Variants in NBN observed in about 807,000 individuals in gnomAD.
The protein encoded by NBN is nibrin.
A neutral mutation model predicts 90.8 loss-of-function variants in NBN; 88 were observed. That is an observed-to-expected ratio of 0.97 (90% confidence interval 0.82 to 1.16). The LOEUF (loss-of-function observed/expected upper bound fraction) is 1.16, where lower values mean the gene tolerates loss of function less well. NBN is among the 50% of genes most tolerant of loss of function. NBN has a pLI of 0.00. For missense variants in NBN, 894 were observed against 869.6 expected (o/e 1.03, Z -0.35); for synonymous variants, 328 against 295.1 (o/e 1.11, Z -1.14).
At position 89,953,469 on chromosome 8, in the gene NBN, A is replaced by G; in HGVS notation, c.1620T>C (p.His540=). Residue 540 remains histidine, a synonymous_variant, in exon 11 of 16, where the codon CAT becomes CAC. Coordinates refer to ENST00000265433, the MANE Select transcript of NBN (RefSeq NM_002485.5). Reference sequence around the variant, plus strand: ...TATTTGATCTTAGCTTTTCTGCAGCATGAGATTTACTGGCAGAATTTTTCA... The same window carrying G: ...TATTTGATCTTAGCTTTTCTGCAGCGTGAGATTTACTGGCAGAATTTTTCA... The part of the protein sequence containing the change: ...SIVKNSASKS[H]AAEKLRSNKK... The G allele has an allele frequency of 6.2e-7, 1 of 1,613,762 alleles. No individual in the cohort carries two copies. The highest frequency in any genetic ancestry group is 8.5e-7 in the Non-Finnish European group (1 of 1,179,788).
At chr8:89,952,294 T>A (rs1345317055) in intron 11 of NBN, among the ~76,000 whole-genome samples, 4 of 152,204 alleles carry the variant, frequency 2.6e-5, no homozygotes, top group Non-Finnish European at 2.9e-5. Context: ...ATATACTGAA[T>A]GAAAATCTCT....
chr8:89,984,449 G>T, intron 1 of NBN, 76 bp downstream of exon 1: 1 of 1,395,372 alleles, frequency 7.2e-7, no homozygotes, highest in South Asian at 1.2e-5. Flanking sequence ...ACGCGACGCA[G>T]GAATCACCCG....
chr8:89,962,734 A>C lies in NBN; in HGVS notation c.994+1676T>G, dbSNP rs146587681. On this transcript the variant is annotated intron_variant, in intron 8 of 15. Transcript: ENST00000265433. ...AGGTTACCTATGTACAGACACAAAC[A>C]TATGTAGTATACTCAATGGGACAGG... is the stretch of plus-strand genomic sequence containing the variant. Among the ~76,000 whole-genome samples, 17 of 152,270 alleles carry C rather than the reference A, an allele frequency of 1.1e-4. No individual in the cohort carries two copies. In the East Asian group the frequency reaches 2.7e-3, roughly 24 times the overall value.
rs1393274458 is a variant in NBN at position 89,943,449 on chromosome 8, T to C, written c.2071-83A>G. ...TTTTAAAAAGATTAAAAAGCAAAGA[T>C]GGTAAATCATGCATAAGTGCCAAAG... On this transcript the variant is annotated intron_variant, in intron 13 of 15. Transcript: ENST00000265433. 2.9e-6 allele frequency: 4 copies of C among 1,366,562 alleles called. No individual in the cohort carries two copies. The African/African-American group carries it at 4.3e-5, about 15-fold the overall frequency. 84.7% of individuals were successfully genotyped at this position (1,366,562 alleles called of 1,614,324 possible). A position where few individuals can be genotyped will look rare whatever the true frequency, so the allele number is the denominator to read the frequency against.
intron 5 of NBN, among the ~76,000 whole-genome samples, chr8:89,973,542 A>G (rs990063004): frequency 5.3e-5 from 8 of 152,226 alleles, no homozygotes; most frequent in Admixed American, 4.6e-4. Flanking sequence ...ATTCATACAT[A>G]GATAATTGAT....
Position 89,947,894 on chromosome 8 carries a change from TA to T in NBN, c.1846-3del. On this transcript the variant is annotated splice_region_variant and splice_polypyrimidine_tract_variant and intron_variant, in intron 11 of 15. Transcript: ENST00000265433. ...TTTCTTCCCAATTTCATTTTCTTGC[TA>T]AAGAAATAAAATAAAAAATACTGTT... 1 of 1,529,274 alleles carries T rather than the reference TA, an allele frequency of 6.5e-7. No homozygotes were observed. Among genetic ancestry groups the T allele is most frequent in the Non-Finnish European group, 9.0e-7 (1 of 1,113,646 alleles). The allele number at this position is 1,529,274 out of a possible 1,614,324, so 94.7% of individuals were successfully genotyped here.
At chr8:89,937,370 C>A in intron 14 of NBN, 1 of 394,776 alleles carries the variant, frequency 2.5e-6, no homozygotes. Flanking sequence ...CCAGCAAAAC[C>A]CTTTTACTAA....
At position 89,953,511 on chromosome 8, in the gene NBN, T is replaced by C. The variant is rs2129700754; in HGVS notation, c.1578A>G (p.Thr526=). 2 of 1,613,744 alleles carry C rather than the reference T, an allele frequency of 1.2e-6. No homozygotes were observed. Among genetic ancestry groups the C allele is most frequent in the Non-Finnish European group, 1.7e-6 (2 of 1,179,740 alleles). The part of the protein sequence containing the change: ...TNSDNNLFTD[T]DLKSIVKNSA... ...AATTTTTCACAATAGATTTTAAATC[T>C]GTATCTGTAAATAAGTTATTGTCTG... is the stretch of plus-strand genomic sequence containing the variant. The change falls in exon 11 of 16, where the codon ACA becomes ACG. Residue 526 remains threonine (T), a synonymous_variant. Coordinates refer to ENST00000265433, the MANE Select transcript of NBN (RefSeq NM_002485.5).
At chr8:89,982,069 A>T in intron 2 of NBN, 1 of 549,824 alleles carries the variant, frequency 1.8e-6, no homozygotes. Flanking sequence ...GCAATCTTTG[A>T]TTAAAATAAT....
chr8:89,983,834 A>C (rs1309264584), intron 1 of NBN, among the ~76,000 whole-genome samples: 1 of 152,106 alleles, frequency 6.6e-6, no homozygotes, highest in Non-Finnish European at 1.5e-5. Flanking sequence ...GAGTCTTCAC[A>C]GTATAAAATT....
At chr8:89,950,042 G>T (rs1167121486) in intron 11 of NBN, among the ~76,000 whole-genome samples, 1 of 152,276 alleles carries the variant, frequency 6.6e-6, no homozygotes, top group East Asian at 1.9e-4. Context: ...AACAATCAGG[G>T]GAAATTAGAT....
chr8:89,939,631 C>T (rs1368193428), intron 14 of NBN, among the ~76,000 whole-genome samples: 1 of 152,164 alleles, frequency 6.6e-6, no homozygotes, highest in East Asian at 1.9e-4. Context: ...ATTCCTAATA[C>T]TGTCTCAATC....
intron 8 of NBN, among the ~76,000 whole-genome samples, chr8:89,960,549 G>C (rs111912909): frequency 0.018 from 2,777 of 152,188 alleles, 80 homozygotes; most frequent in African/African-American, 0.062. Flanking sequence ...CTACTCAGGA[G>C]GGTGAGGCAG....
chr8:89,972,118 C>CTT (rs1811548288), intron 5 of NBN, among the ~76,000 whole-genome samples: 2 of 152,168 alleles, frequency 1.3e-5, no homozygotes, highest in African/African-American at 4.8e-5. Flanking sequence ...CAAGAGTTAA[C>CTT]TATCTGCAGA....
In NBN at chr8:89,984,537, C is replaced by G; in HGVS notation, c.25G>C (p.Gly9Arg). The G allele has an allele frequency of 6.2e-7, 1 of 1,613,190 alleles. No individual in the cohort carries two copies. The highest frequency in any genetic ancestry group is 8.5e-7 in the Non-Finnish European group (1 of 1,179,752). Residue 9 changes from glycine to arginine, a missense_variant, in exon 1 of 16, where the codon GGC becomes CGC. Transcript: ENST00000265433. ...CTTCTGCCCTTACCTCCTGCCGGGC[C>G]CGCGGCGGGCAGCAGTTTCCACATC... MWKLLPAA[G>R]PAGGEPYRLL...
In NBN at chr8:89,980,875, C is replaced by T. The variant is rs774622977; in HGVS notation, c.339G>A (p.Leu113=). The change falls in exon 4 of 16, where the codon TTG becomes TTA. Residue 113 remains leucine (L), a synonymous_variant. Coordinates refer to ENST00000265433, the MANE Select transcript of NBN (RefSeq NM_002485.5). ...GSKFRIEYEP[L]VACSSCLDVS... ...CATCTAAACAAGAAGAGCATGCAAC[C>T]AAAGGCTCATACTCTATTCTGTAAA... The T allele has an allele frequency of 1.2e-6, 2 of 1,612,496 alleles. No individual in the cohort carries two copies. Among genetic ancestry groups the T allele is most frequent in the Non-Finnish European group, 8.5e-7 (1 of 1,179,158 alleles).
chr8:89,981,769 A>C, intron 2 of NBN: 1 of 527,720 alleles, frequency 1.9e-6, no homozygotes, highest in Non-Finnish European at 3.3e-6. Flanking sequence ...TGTGTAAGTC[A>C]GTGGGGATTC....
At chr8:89,961,259 A>G (rs1431551633) in intron 8 of NBN, among the ~76,000 whole-genome samples, 3 of 152,210 alleles carry the variant, frequency 2.0e-5, no homozygotes, top group Admixed American at 6.5e-5. Context: ...ACACTGGAAA[A>G]CATAATCTTG....
At position 89,980,990 on chromosome 8, in the gene NBN, T is replaced by C. The variant is rs1812039794; in HGVS notation, c.321-97A>G. On this transcript the variant is annotated intron_variant, in intron 3 of 15. Coordinates refer to ENST00000265433, the MANE Select transcript of NBN (RefSeq NM_002485.5). The stretch of plus-strand genomic sequence containing the variant: ...AACTTTAAGCTCACATCATATACTG[T>C]TATTGTAACTTTTATTTATTGTTAC... 1.1e-5 allele frequency: 11 copies of C among 1,024,272 alleles called. No individual in the cohort carries two copies. The South Asian group carries it at 1.4e-4, about 13-fold the overall frequency. The allele number at this position is 1,024,272 out of a possible 1,614,324, so 63.4% of individuals were successfully genotyped here.
Sources: gnomAD v4.1 joint callset for allele counts (sites outside exome capture counted in the v4.1 genomes callset) on GRCh38, gnomAD v4.1.1 for gene constraint, MANE v1.5 for transcripts, NCBI Gene and HGNC (gene_info 2026-07-23, HGNC 2026-07-21) for gene names.